The following CENPI variants were observed in gnomAD, a reference collection of about 807,000 sequenced individuals.
CENPI encodes FSH primary response 1.
In CENPI, 4 loss-of-function variants were observed where a neutral mutation model predicts 60.4. The observed-to-expected ratio is 0.07, with a 90% CI of 0.03 to 0.15. The LOEUF (loss-of-function observed/expected upper bound fraction) is 0.15, where lower values mean the gene tolerates loss of function less well. CENPI is among the 10% of genes least tolerant of loss of function. The pLI is 1.00. For synonymous variants in CENPI, 157 were observed against 189.4 expected, an observed-to-expected ratio of 0.83 and a Z score of 1.40; for missense variants, 444 against 534.5, an observed-to-expected ratio of 0.83 and a Z score of 1.67.
At chrX:101,117,220 CAG>C (rs1389606244) in intron 6 of CENPI, among the ~76,000 whole-genome samples, 4 of 110,748 alleles carry the variant, frequency 3.6e-5, no homozygotes, top group Admixed American at 2.9e-4. Flanking sequence ...TTTTTTTTGA[CAG>C]AGTTTTTTGC....
intron 5 of CENPI, 90 bp from the exon 6 acceptor site, chrX:101,109,801 T>A: frequency 3.1e-6 from 2 of 648,305 alleles, no homozygotes; most frequent in South Asian, 2.6e-5. Flanking sequence ...GCTTCTAAAA[T>A]AGCCCTGGTG....
At position 101,165,357 on chromosome X, in the gene CENPI, G is replaced by A. The variant is rs1955435228; in HGVS notation, c.*2390G>A. ...TGTGATAAATGTTGAGGTGGGAGGG[G>A]TTAGAGGTTGGATTCAGACTCTGTT... On this transcript the variant is annotated 3_prime_UTR_variant, in exon 22 of 22. Transcript: ENST00000682095. Among the ~76,000 whole-genome samples the A allele has an allele frequency of 8.9e-6, 1 of 111,748 alleles. No individual in the cohort carries two copies. Among genetic ancestry groups the A allele is most frequent in the Non-Finnish European group, 1.9e-5 (1 of 53,189 alleles).
At position 101,127,492 on chromosome X, in the gene CENPI, C is replaced by T; in HGVS notation, c.907-6C>T. ...ATTGATAGATTATTTTATTATCTTT[C>T]TTCAGAAGTGGAATTCTCTCTCAGT... On this transcript the variant is annotated splice_region_variant and splice_polypyrimidine_tract_variant and intron_variant, in intron 10 of 21. Transcript: ENST00000682095. The T allele has an allele frequency of 8.7e-7, 1 of 1,155,337 alleles. No homozygotes were observed. Among genetic ancestry groups the T allele is most frequent in the South Asian group, 2.0e-5 (1 of 48,984 alleles).
chrX:101,108,917 G>GCAC (rs1242598582), intron 4 of CENPI, among the ~76,000 whole-genome samples: 13 of 110,884 alleles, frequency 1.2e-4, no homozygotes, highest in Middle Eastern at 9.3e-3. Flanking sequence ...AAAGTGTTAG[G>GCAC]ATTATAGGCA....
intron 6 of CENPI, among the ~76,000 whole-genome samples, chrX:101,118,514 A>G (rs2089645488): frequency 8.9e-6 from 1 of 112,619 alleles, no homozygotes; most frequent in Admixed American, 9.4e-5. Context: ...TAACAGCTCA[A>G]TAGACTGAGT....
At chrX:101,104,853 A>G (rs1013227663) in intron 4 of CENPI, among the ~76,000 whole-genome samples, 5 of 71,263 alleles carry the variant, frequency 7.0e-5, no homozygotes, top group South Asian at 4.9e-4. Context: ...TGTCTCTGGG[A>G]AAAAAAAAAA....
intron 4 of CENPI, among the ~76,000 whole-genome samples, chrX:101,104,261 A>G (rs777539525): frequency 2.1e-4 from 24 of 112,990 alleles, no homozygotes; most frequent in Admixed American, 2.0e-3. Context: ...GGCGTGAGCC[A>G]GTGTGCCCAG....
intron 15 of CENPI, among the ~76,000 whole-genome samples, chrX:101,136,875 G>A (rs914129156): frequency 2.7e-5 from 3 of 111,846 alleles, no homozygotes; most frequent in Non-Finnish European, 5.6e-5. Context: ...TGGCACTGTA[G>A]TCCTTAGTAC....
intron 8 of CENPI, among the ~76,000 whole-genome samples, chrX:101,121,123 G>T (rs1015386177): frequency 9.1e-6 from 1 of 110,004 alleles, no homozygotes; most frequent in South Asian, 3.8e-4. Context: ...TGATCCACCC[G>T]CCTCGGCCTC....
At position 101,165,180 on chromosome X, in the gene CENPI, G is replaced by A. The variant is rs755286250; in HGVS notation, c.*2213G>A. On this transcript the variant is annotated 3_prime_UTR_variant, in exon 22 of 22. Transcript: ENST00000682095. The stretch of plus-strand genomic sequence containing the variant: ...TAGCCTGGCATGGATATGTAAATGG[G>A]AAGCAATTAGATTGAGAAGAGGAGT... Among the ~76,000 whole-genome samples, 5 of 112,017 alleles carry A rather than the reference G, an allele frequency of 4.5e-5. No homozygotes were observed. The highest frequency in any genetic ancestry group is 9.4e-5 in the Non-Finnish European group (5 of 53,241).
chrX:101,161,390 A>T (rs1276315444), intron 20 of CENPI, 138 bp from the exon 21 acceptor site: 10 of 508,435 alleles, frequency 2.0e-5, no homozygotes, highest in Non-Finnish European at 3.4e-5. Flanking sequence ...GATGGTAGGA[A>T]TAGAACTTTG....
At position 101,135,801 on chromosome X, in the gene CENPI, A is replaced by G. The variant is rs190211922; in HGVS notation, c.1470+3345A>G. Among the ~76,000 whole-genome samples the G allele has an allele frequency of 1.9e-3, 216 of 111,403 alleles. 1 individual carries two copies. Among genetic ancestry groups the G allele is most frequent in the African/African-American group, 6.8e-3 (207 of 30,645 alleles). ...AGTGGCGTGATCTTGGCTTACTGCA[A>G]CCTCCGCCTAGCGGGTTCAAGCGAT... On this transcript the variant is annotated intron_variant, in intron 15 of 21. Transcript: ENST00000682095.
the CENPI span, among the ~76,000 whole-genome samples, chrX:101,179,242 G>C: frequency 1.8e-5 from 2 of 111,846 alleles, no homozygotes; most frequent in Non-Finnish European, 3.8e-5. Flanking sequence ...CACCTGTGCC[G>C]GACGTTTCAT....
Position 101,146,240 on chromosome X carries a change from A to G in CENPI, c.1789A>G (p.Thr597Ala), listed in dbSNP as rs751479448. Residue 597 changes from threonine (T) to alanine (A), a missense_variant, in exon 18 of 22, where the codon ACC becomes GCC. Transcript: ENST00000682095. The stretch of plus-strand genomic sequence containing the variant: ...CTATTCTGCACTCCTCAGCCTGGAT[A>G]CCAGCATCCTGAACCAGCTGTGTTT... The part of the protein sequence containing the change: ...IFYSALLSLD[T>A]SILNQLCFIM... 14 of 1,207,748 alleles carry G rather than the reference A, an allele frequency of 1.2e-5. No individual in the cohort carries two copies. The highest frequency in any genetic ancestry group is 4.4e-5 in the Admixed American group (2 of 45,537).
At chrX:101,107,702 C>T (rs1474727782) in intron 4 of CENPI, among the ~76,000 whole-genome samples, 3 of 109,108 alleles carry the variant, frequency 2.7e-5, no homozygotes, top group Non-Finnish European at 5.7e-5. Flanking sequence ...GAGTTTCACT[C>T]TTGTAGCCCA....
At chrX:101,180,268 C>G in the CENPI span, among the ~76,000 whole-genome samples, 5 of 111,008 alleles carry the variant, frequency 4.5e-5, no homozygotes, top group Non-Finnish European at 7.5e-5. Context: ...TCCTGAGTAG[C>G]TGGGACCACA....
chrX:101,163,569 T>A lies in CENPI; in HGVS notation c.*602T>A, dbSNP rs1350967092. 2 of 114,881 alleles carry A rather than the reference T, an allele frequency of 1.7e-5. No homozygotes were observed. The highest frequency in any genetic ancestry group is 3.6e-5 in the Non-Finnish European group (2 of 55,705). The allele number at this position is 114,881 out of a possible 1,213,427, so 9.5% of individuals were successfully genotyped here. A position where few individuals can be genotyped will look rare whatever the true frequency, so the allele number is the denominator to read the frequency against. ...CTGATTTCATGGAACTGCTCTATTT[T>A]GTTTGTGTGTATTGTATATGTATAT... On this transcript the variant is annotated 3_prime_UTR_variant, in exon 22 of 22. Transcript: ENST00000682095.
Position 101,148,159 on chromosome X carries a change from C to G in CENPI, c.2092C>G (p.Gln698Glu), listed in dbSNP as rs758434231. The G allele has an allele frequency of 7.6e-6, 9 of 1,181,474 alleles. No homozygotes were observed. In the African/African-American group the frequency reaches 1.6e-4, roughly 21 times the overall value. ...GAGTTACGCTGTTTCCTTTTTGCTACAGGTAAGGGTATTTAAAGAATTTTT... is the reference window on the plus strand; with the variant it reads ...GAGTTACGCTGTTTCCTTTTTGCTAGAGGTAAGGGTATTTAAAGAATTTTT... ...FLSYAVSFLL[Q>E]ESPEERTVNV... The change falls in exon 20 of 22, where the codon CAG becomes GAG. Residue 698 changes from glutamine to glutamate, a missense_variant and splice_region_variant. Transcript: ENST00000682095.
intron 20 of CENPI, among the ~76,000 whole-genome samples, chrX:101,156,440 T>C (rs1179442060): frequency 2.7e-5 from 3 of 112,490 alleles, no homozygotes; most frequent in Non-Finnish European, 5.6e-5. Flanking sequence ...AAGATTGATT[T>C]ATTGCTAAAA....
Sources: gnomAD v4.1 joint callset for allele counts (sites outside exome capture counted in the v4.1 genomes callset) on GRCh38, gnomAD v4.1.1 for gene constraint, MANE v1.5 for transcripts, NCBI Gene and HGNC (gene_info 2026-07-23, HGNC 2026-07-21) for gene names.